LARP1B: variants seen among roughly 807,000 people sequenced by gnomAD.
The protein encoded by LARP1B is La ribonucleoprotein 1B, also known as la-related protein 1B.
In LARP1B, 76 loss-of-function variants were observed where a neutral mutation model predicts 114.2. The observed-to-expected ratio is 0.67, with a 90% CI of 0.55 to 0.81. LARP1B has a LOEUF of 0.81. LARP1B is among the 30% of genes least tolerant of loss of function. The pLI, the probability that LARP1B is intolerant of heterozygous loss-of-function variation, is 0.00. For missense variants in LARP1B, 1,014 were observed against 1,075.8 expected, an observed-to-expected ratio of 0.94 and a Z score of 0.80; for synonymous variants, 345 against 348.0, an observed-to-expected ratio of 0.99 and a Z score of 0.10.
intron 1 of LARP1B, chr4:128,062,329 C>T (rs1020957374): frequency 3.2e-6 from 3 of 926,678 alleles, no homozygotes; most frequent in Non-Finnish European, 3.9e-6. Flanking sequence ...TAACGGCAGG[C>T]CTCCCCTCCC....
chr4:128,116,656 G>A (rs1201559556), intron 10 of LARP1B, among the ~76,000 whole-genome samples: 1 of 152,130 alleles, frequency 6.6e-6, no homozygotes, highest in Non-Finnish European at 1.5e-5. Flanking sequence ...CTGGCCTGGA[G>A]GAAACATGGC....
chr4:128,153,355 C>T (rs1348777896), intron 11 of LARP1B, among the ~76,000 whole-genome samples: 4 of 151,514 alleles, frequency 2.6e-5, no homozygotes, highest in Non-Finnish European at 4.4e-5. Flanking sequence ...CTCAGTCTGT[C>T]GCCCAGGCTG....
intron 11 of LARP1B, among the ~76,000 whole-genome samples, chr4:128,129,867 G>T (rs1266056193): frequency 2.0e-5 from 3 of 152,082 alleles, no homozygotes; most frequent in African/African-American, 7.2e-5. Flanking sequence ...AATTAAAGTG[G>T]ACGGACCATC....
chr4:128,178,416 T>G lies in LARP1B; in HGVS notation c.1685-15T>G, dbSNP rs200858474. 9.5e-5 allele frequency: 150 copies of G among 1,571,196 alleles called. No homozygotes were observed. The African/African-American group carries it at 1.5e-3, about 15-fold the overall frequency. On this transcript the variant is annotated splice_polypyrimidine_tract_variant and intron_variant, in intron 13 of 19. Transcript: ENST00000326639. Reference sequence around the variant, plus strand: ...CCTAGCATCTAAATAATTTTAAGAGTTTTTTATTTTGCAGATTTGACTGAT... The same window carrying G: ...CCTAGCATCTAAATAATTTTAAGAGGTTTTTATTTTGCAGATTTGACTGAT...
intron 9 of LARP1B, chr4:128,108,474 T>C (rs1782839715): frequency 2.0e-6 from 2 of 985,666 alleles, no homozygotes; most frequent in South Asian, 4.7e-5. Flanking sequence ...CCTTTACTCT[T>C]CAAAATGTAT....
At chr4:128,209,409 A>G (rs774774511) in intron 19 of LARP1B, among the ~76,000 whole-genome samples, 1 of 152,206 alleles carries the variant, frequency 6.6e-6, no homozygotes, top group Admixed American at 6.5e-5. Context: ...CTACAGAGTG[A>G]GACTCTGTCT....
chr4:128,076,311 C>T (rs762597883), intron 3 of LARP1B, among the ~76,000 whole-genome samples: 9 of 152,212 alleles, frequency 5.9e-5, no homozygotes, highest in Non-Finnish European at 1.0e-4. Flanking sequence ...AGCCTCATCT[C>T]GTTGTATTCT....
At chr4:128,193,487 T>C (rs1036675238) in intron 15 of LARP1B, among the ~76,000 whole-genome samples, 1 of 152,244 alleles carries the variant, frequency 6.6e-6, no homozygotes, top group Admixed American at 6.5e-5. Context: ...TAAATTTTTT[T>C]GCCCTGTTTT....
intron 9 of LARP1B, chr4:128,107,874 T>G (rs1435652127): frequency 3.3e-6 from 5 of 1,535,650 alleles, no homozygotes; most frequent in Non-Finnish European, 4.4e-6. Context: ...GTGCTTAAAC[T>G]TTTTTCAGTC....
chr4:128,202,829 CTA>C (rs1756385525), intron 17 of LARP1B, among the ~76,000 whole-genome samples: 1 of 152,188 alleles, frequency 6.6e-6, no homozygotes, highest in Non-Finnish European at 1.5e-5. Flanking sequence ...GAAATCAGGA[CTA>C]TGTTTGAGTT....
At chr4:128,100,779 T>G (rs1248816051) in intron 8 of LARP1B, among the ~76,000 whole-genome samples, 1 of 151,908 alleles carries the variant, frequency 6.6e-6, no homozygotes, top group Non-Finnish European at 1.5e-5. Flanking sequence ...TTTCCTAGTT[T>G]TTGTCTTTTC....
chr4:128,202,863 C>G (rs1348371191), intron 17 of LARP1B, among the ~76,000 whole-genome samples: 3 of 152,114 alleles, frequency 2.0e-5, no homozygotes, highest in Non-Finnish European at 4.4e-5. Flanking sequence ...TTTACTGTGG[C>G]CTTGGCAGAT....
chr4:128,114,530 C>G, intron 9 of LARP1B, 40 bp from the exon 10 acceptor site: 1 of 1,418,104 alleles, frequency 7.1e-7, no homozygotes, highest in Non-Finnish European at 9.7e-7. Flanking sequence ...GTAAGAAAAG[C>G]CATTATCATT....
chr4:128,195,943 A>G lies in LARP1B; in HGVS notation c.2004-3496A>G, dbSNP rs558644426. Among the ~76,000 whole-genome samples the G allele has an allele frequency of 2.0e-5, 3 of 152,288 alleles. No individual in the cohort carries two copies. The South Asian group carries it at 6.2e-4, about 32-fold the overall frequency. ...GGATATTACTACTGGTTGACCTTAC[A>G]GAGATAAAAAGGATATGAGAATACT... On this transcript the variant is annotated intron_variant, in intron 15 of 19. Coordinates refer to ENST00000326639, the MANE Select transcript of LARP1B (RefSeq NM_018078.4).
At chr4:128,165,679 C>T (rs1740491814) in intron 12 of LARP1B, among the ~76,000 whole-genome samples, 1 of 152,102 alleles carries the variant, frequency 6.6e-6, no homozygotes, top group African/African-American at 2.4e-5. Flanking sequence ...CCTCTGTCCT[C>T]CACATCCCAA....
chr4:128,077,993 T>C, intron 4 of LARP1B, 31 bp downstream of exon 4: 1 of 1,448,934 alleles, frequency 6.9e-7, no homozygotes, highest in African/African-American at 1.4e-5. Context: ...ATTTTGATTT[T>C]AGTTTTTGAA....
At chr4:128,111,341 C>G (rs1784047716) in intron 9 of LARP1B, among the ~76,000 whole-genome samples, 1 of 152,054 alleles carries the variant, frequency 6.6e-6, no homozygotes, top group African/African-American at 2.4e-5. Context: ...GCCACCAAGC[C>G]CAGCTCTTCA....
At chr4:128,069,420 C>A in intron 1 of LARP1B, 1 of 761,000 alleles carries the variant, frequency 1.3e-6, no homozygotes. Flanking sequence ...GTGCTTTCGG[C>A]CACCATGGCG....
chr4:128,078,324 A>T (rs186285965), intron 4 of LARP1B, among the ~76,000 whole-genome samples: 239 of 152,244 alleles, frequency 1.6e-3, no homozygotes, highest in Non-Finnish European at 2.2e-3. Flanking sequence ...CTAAGAGAAA[A>T]GTGAGAATAG....
Sources: gnomAD v4.1 joint callset for allele counts (sites outside exome capture counted in the v4.1 genomes callset) on GRCh38, gnomAD v4.1.1 for gene constraint, MANE v1.5 for transcripts, NCBI Gene and HGNC (gene_info 2026-07-23, HGNC 2026-07-21) for gene names.